PNPLA8: variants seen among roughly 807,000 people sequenced by gnomAD.
The protein encoded by PNPLA8 is calcium-independent phospholipase A2-gamma.
PNPLA8 carries 39 observed loss-of-function variants against 76.9 expected under a neutral mutation model. The observed-to-expected ratio is 0.51, with a 90% CI of 0.39 to 0.66. The LOEUF (loss-of-function observed/expected upper bound fraction) is 0.66, where lower values mean the gene tolerates loss of function less well. PNPLA8 is among the 30% of genes least tolerant of loss of function. The probability of loss-of-function intolerance (pLI) is 0.00; values close to 1 mark genes in which losing one functional copy is unlikely to be tolerated. For missense variants in PNPLA8, 887 were observed against 918.0 expected, an observed-to-expected ratio of 0.97 and a Z score of 0.44; for synonymous variants, 301 against 307.9, an observed-to-expected ratio of 0.98 and a Z score of 0.24.
chr7:108,488,167 G>T (rs1860883900), intron 8 of PNPLA8, among the ~76,000 whole-genome samples: 1 of 152,084 alleles, frequency 6.6e-6, no homozygotes, highest in Admixed American at 6.6e-5. Context: ...AATTTATTAT[G>T]AGAATAATAA....
At chr7:108,479,687 A>C in intron 9 of PNPLA8, 1 of 271,034 alleles carries the variant, frequency 3.7e-6, no homozygotes, top group African/African-American at 2.2e-5. Context: ...AGTGGTTAAT[A>C]CAGGTTCTAC....
chr7:108,520,887 T>C (rs976943517), intron 2 of PNPLA8, among the ~76,000 whole-genome samples: 2 of 152,068 alleles, frequency 1.3e-5, no homozygotes, highest in Non-Finnish European at 2.9e-5. Context: ...CATACACCTT[T>C]ATCTGGCAAT....
chr7:108,476,187 A>G (rs541891703), intron 10 of PNPLA8, among the ~76,000 whole-genome samples: 11 of 152,292 alleles, frequency 7.2e-5, no homozygotes, highest in South Asian at 4.1e-4. Flanking sequence ...AATTCTTGTT[A>G]TATCTTTTTC....
intron 1 of PNPLA8, among the ~76,000 whole-genome samples, chr7:108,524,220 T>C (rs1382663279): frequency 6.6e-6 from 1 of 152,184 alleles, no homozygotes; most frequent in Non-Finnish European, 1.5e-5. Context: ...GAGTAAAGCT[T>C]TTCTTCCTTG....
rs767555001 is a variant in PNPLA8 at position 108,514,919 on chromosome 7, A to C, written c.573T>G (p.His191Gln). 12 of 1,609,126 alleles carry C rather than the reference A, an allele frequency of 7.5e-6. No individual in the cohort carries two copies. The highest frequency in any genetic ancestry group is 8.5e-6 in the Non-Finnish European group (10 of 1,178,506). The change falls in exon 3 of 11, where the codon CAT (histidine) becomes CAG (glutamine). Residue 191 changes from histidine to glutamine, a missense_variant. Physicochemically the swap from His to Gln is conservative, Grantham distance 24. Coordinates refer to ENST00000257694, the MANE Select transcript of PNPLA8 (RefSeq NM_001256007.3). Reference protein sequence around the residue: ...EEDIGKRSLFHYTSSITTKFG... With the variant: ...EEDIGKRSLFQYTSSITTKFG... Reference sequence around the variant, plus strand: ...ATTTTGTGGTTATAGAACTTGTGTAATGAAAAAGACTGCGTTTACCTATAT... The same window carrying C: ...ATTTTGTGGTTATAGAACTTGTGTACTGAAAAAGACTGCGTTTACCTATAT...
chr7:108,504,310 T>C (rs1258727932), intron 4 of PNPLA8, among the ~76,000 whole-genome samples: 3 of 152,144 alleles, frequency 2.0e-5, no homozygotes, highest in African/African-American at 4.8e-5. Flanking sequence ...AAACCAAGAA[T>C]TGATGTTCAT....
At chr7:108,479,964 A>G (rs961488583) in intron 9 of PNPLA8, among the ~76,000 whole-genome samples, 2 of 152,242 alleles carry the variant, frequency 1.3e-5, no homozygotes, top group African/African-American at 4.8e-5. Context: ...GAGCACTATA[A>G]AAATGTAGTA....
At chr7:108,482,630 C>T (rs144135719) in intron 9 of PNPLA8, among the ~76,000 whole-genome samples, 165 of 152,288 alleles carry the variant, frequency 1.1e-3, no homozygotes, top group African/African-American at 3.7e-3. Context: ...CACATCTTTA[C>T]CATGTAGCAT....
chr7:108,479,268 C>T lies in PNPLA8; in HGVS notation c.1990G>A (p.Glu664Lys), dbSNP rs1342375194. 6.2e-7 allele frequency: 1 copy of T among 1,613,246 alleles called. No individual in the cohort carries two copies. Among genetic ancestry groups the T allele is most frequent in the Admixed American group, 1.7e-5 (1 of 59,980 alleles). ...GTTACCGTGTTTCTCACATCACTCTCATAACGTCCAGTGCCCAGGGATACT... is the reference window on the plus strand; with the variant it reads ...GTTACCGTGTTTCTCACATCACTCTTATAACGTCCAGTGCCCAGGGATACT... ...CIVSLGTGRY[E>K]SDVRNTVTYT... Residue 664 changes from glutamate (E) to lysine (K), a missense_variant, in exon 10 of 11, where the codon GAG becomes AAG. By Grantham distance (56) the Glu-to-Lys change is moderately conservative. Coordinates refer to ENST00000257694, the MANE Select transcript of PNPLA8 (RefSeq NM_001256007.3).
intron 6 of PNPLA8, 71 bp from the exon 7 acceptor site, chr7:108,496,826 A>T: frequency 8.0e-7 from 1 of 1,251,784 alleles, no homozygotes; most frequent in South Asian, 1.4e-5. Context: ...TTCCTGAATC[A>T]TAGTTTTGGC....
intron 10 of PNPLA8, among the ~76,000 whole-genome samples, chr7:108,474,950 G>C (rs181021302): frequency 6.6e-6 from 1 of 152,172 alleles, no homozygotes; most frequent in East Asian, 1.9e-4. Context: ...CAGGGGGTGA[G>C]TGGCAGGGCC....
At chr7:108,473,516 A>G (rs1386636192) in intron 10 of PNPLA8, among the ~76,000 whole-genome samples, 2 of 152,080 alleles carry the variant, frequency 1.3e-5, no homozygotes, top group Non-Finnish European at 2.9e-5. Flanking sequence ...TTGTATTCCA[A>G]CCACTAATAT....
At chr7:108,474,192 CCTTT>C (rs1859818039) in intron 10 of PNPLA8, among the ~76,000 whole-genome samples, 1 of 152,072 alleles carries the variant, frequency 6.6e-6, no homozygotes, top group South Asian at 2.1e-4. Flanking sequence ...CTCTTTCTTT[CCTTT>C]CTGATTCATA....
chr7:108,501,389 A>G (rs1201352943), intron 5 of PNPLA8, among the ~76,000 whole-genome samples: 2 of 152,246 alleles, frequency 1.3e-5, no homozygotes, highest in Admixed American at 6.5e-5. Context: ...CTGAACAAAG[A>G]AAGAATTTAT....
intron 4 of PNPLA8, among the ~76,000 whole-genome samples, chr7:108,507,231 T>C (rs993614952): frequency 6.7e-6 from 1 of 149,166 alleles, no homozygotes; most frequent in Non-Finnish European, 1.5e-5. Context: ...TAGTCCCAGC[T>C]ACTCGGGAGG....
intron 9 of PNPLA8, among the ~76,000 whole-genome samples, chr7:108,486,646 G>A (rs543032556): frequency 1.3e-5 from 2 of 152,088 alleles, no homozygotes; most frequent in Admixed American, 6.5e-5. Flanking sequence ...AAGAAAATAG[G>A]AATAGCTGGC....
intron 1 of PNPLA8, among the ~76,000 whole-genome samples, chr7:108,525,514 T>C (rs916234464): frequency 3.3e-5 from 5 of 152,204 alleles, no homozygotes; most frequent in African/African-American, 4.8e-5. Context: ...CAGTGATTCA[T>C]ACACCTTATC....
intron 6 of PNPLA8, 44 bp downstream of exon 6, chr7:108,497,439 T>C (rs781054305): frequency 6.3e-6 from 8 of 1,266,416 alleles, no homozygotes; most frequent in African/African-American, 6.0e-5. Context: ...TTCTTTTCCT[T>C]AATGTACTGC....
chr7:108,479,037 A>G, intron 10 of PNPLA8, 147 bp downstream of exon 10: 1 of 582,854 alleles, frequency 1.7e-6, no homozygotes. Context: ...TGAGAAAGGA[A>G]AACAACAAAA....
Sources: gnomAD v4.1 joint callset for allele counts (sites outside exome capture counted in the v4.1 genomes callset) on GRCh38, gnomAD v4.1.1 for gene constraint, MANE v1.5 for transcripts, NCBI Gene and HGNC (gene_info 2026-07-23, HGNC 2026-07-21) for gene names.